Variants in STPG2 observed in about 807,000 individuals in gnomAD.
The protein encoded by STPG2 is sperm tail PG-rich repeat containing 2.
STPG2 carries 56 observed loss-of-function variants against 54.2 expected under a neutral mutation model. That is an observed-to-expected ratio of 1.03 (90% CI 0.83 to 1.29). STPG2 has a LOEUF of 1.29. STPG2 is among the 50% of genes most tolerant of loss of function. STPG2 has a pLI of 0.00. For missense variants in STPG2, 596 were observed against 544.9 expected (o/e 1.09, Z -0.93); for synonymous variants, 200 against 181.8 (o/e 1.10, Z -0.81).
At chr4:97,861,433 G>A (rs566659471) in intron 8 of STPG2, among the ~76,000 whole-genome samples, 3 of 152,234 alleles carry the variant, frequency 2.0e-5, no homozygotes, top group African/African-American at 7.2e-5. Context: ...GAACAGCTTG[G>A]AGGTTCCTAA....
intron 4 of STPG2, among the ~76,000 whole-genome samples, chr4:97,468,186 T>A (rs149742157): frequency 1.3e-5 from 2 of 152,004 alleles, no homozygotes; most frequent in South Asian, 2.1e-4. Context: ...TTGTCAAACT[T>A]TTTTTCCAAT....
intron 5 of STPG2, among the ~76,000 whole-genome samples, chr4:98,088,899 T>C (rs1738604356): frequency 6.6e-6 from 1 of 152,132 alleles, no homozygotes; most frequent in Non-Finnish European, 1.5e-5. Context: ...TAACCAATAA[T>C]ATCGAACTTC....
chr4:97,562,886 T>G (rs928427019), intron 10 of STPG2, among the ~76,000 whole-genome samples: 2 of 152,176 alleles, frequency 1.3e-5, no homozygotes, highest in Non-Finnish European at 2.9e-5. Flanking sequence ...TCATCAAGGA[T>G]ATTGGTCTAA....
intron 9 of STPG2, among the ~76,000 whole-genome samples, chr4:97,753,103 C>A (rs745984510): frequency 3.3e-5 from 5 of 151,862 alleles, no homozygotes; most frequent in Non-Finnish European, 7.4e-5. Context: ...ATAATTTTAA[C>A]CATTTGTAAA....
chr4:97,454,817 C>T (rs1458143948), intron 4 of STPG2, among the ~76,000 whole-genome samples: 1 of 151,932 alleles, frequency 6.6e-6, no homozygotes, highest in East Asian at 1.9e-4. Context: ...AATAAGAAAG[C>T]CAGTAAAGTC....
intron 10 of STPG2, among the ~76,000 whole-genome samples, chr4:97,564,905 A>T (rs935844672): frequency 6.6e-6 from 1 of 152,094 alleles, no homozygotes; most frequent in South Asian, 2.1e-4. Flanking sequence ...TCTGATAATT[A>T]TGTGTCTTGG....
rs1727015491 is a variant in STPG2 at position 97,792,213 on chromosome 4, AC to A, written c.1204+48559del. On this transcript the variant is annotated intron_variant, in intron 9 of 10. Transcript: ENST00000295268. ...TTATGTTTAAAAAGCTATAGTATAT[AC>A]TATATAGTTCTAGCTATCTCAAATT... Among the ~76,000 whole-genome samples the A allele has an allele frequency of 2.0e-5, 3 of 152,308 alleles. No individual in the cohort carries two copies. In the South Asian group the frequency reaches 6.2e-4, roughly 32 times the overall value.
intron 4 of STPG2, among the ~76,000 whole-genome samples, chr4:97,548,215 G>T (rs966355895): frequency 6.6e-6 from 1 of 152,262 alleles, no homozygotes; most frequent in East Asian, 1.9e-4. Context: ...AAAATGAAAA[G>T]AGTAGGGAGC....
intron 10 of STPG2, among the ~76,000 whole-genome samples, chr4:97,691,372 C>A (rs867590159): frequency 2.0e-5 from 3 of 152,066 alleles, no homozygotes; most frequent in Admixed American, 2.0e-4. Flanking sequence ...GTACAGGCTG[C>A]GTGGGAGCTG....
At chr4:97,919,212 C>A (rs150125682) in intron 8 of STPG2, among the ~76,000 whole-genome samples, 1 of 151,406 alleles carries the variant, frequency 6.6e-6, no homozygotes, top group Non-Finnish European at 1.5e-5. Flanking sequence ...TTAAGGAAAG[C>A]GATTTCTGCT....
chr4:97,985,626 T>C (rs926895220), intron 5 of STPG2, among the ~76,000 whole-genome samples: 9 of 152,190 alleles, frequency 5.9e-5, no homozygotes, highest in African/African-American at 1.9e-4. Context: ...TATGTATCTA[T>C]TCATATTCAA....
intron 4 of STPG2, among the ~76,000 whole-genome samples, chr4:97,466,009 A>C (rs1185218683): frequency 6.6e-6 from 1 of 152,020 alleles, no homozygotes; most frequent in Non-Finnish European, 1.5e-5. Flanking sequence ...GGAAAGAAAA[A>C]TTTGTTCAAA....
chr4:98,000,694 T>G (rs1008852538), intron 5 of STPG2, among the ~76,000 whole-genome samples: 1 of 152,166 alleles, frequency 6.6e-6, no homozygotes, highest in Admixed American at 6.5e-5. Flanking sequence ...TAAGGAAAAC[T>G]CTAAGTAAAA....
chr4:97,550,994 A>T (rs1248918926), intron 4 of STPG2, among the ~76,000 whole-genome samples: 1 of 150,792 alleles, frequency 6.6e-6, no homozygotes, highest in Non-Finnish European at 1.5e-5. Flanking sequence ...GAAAGAACAA[A>T]CCTTCCACAC....
intron 4 of STPG2, among the ~76,000 whole-genome samples, chr4:97,524,312 A>C (rs1445211541): frequency 6.6e-6 from 1 of 152,030 alleles, no homozygotes; most frequent in Non-Finnish European, 1.5e-5. Context: ...CAGTTATGCC[A>C]GACTTGTTTC....
chr4:98,033,400 C>T (rs759510852), intron 5 of STPG2, among the ~76,000 whole-genome samples: 3 of 151,842 alleles, frequency 2.0e-5, no homozygotes. Flanking sequence ...AAGACCAAAC[C>T]AGGAAGAAGT....
At chr4:97,938,785 C>A (rs1732859930) in intron 8 of STPG2, among the ~76,000 whole-genome samples, 1 of 152,042 alleles carries the variant, frequency 6.6e-6, no homozygotes, top group Non-Finnish European at 1.5e-5. Context: ...GTCATGCGAA[C>A]CACCTGGTCA....
chr4:97,862,095 G>A (rs940236973), intron 8 of STPG2, among the ~76,000 whole-genome samples: 5 of 151,814 alleles, frequency 3.3e-5, no homozygotes, highest in African/African-American at 1.2e-4. Context: ...ATGTAAATGG[G>A]CTAAATTACC....
intron 4 of STPG2, among the ~76,000 whole-genome samples, chr4:97,497,331 G>C (rs1422681499): frequency 6.6e-6 from 1 of 151,666 alleles, no homozygotes; most frequent in Admixed American, 6.6e-5. Flanking sequence ...ACTTAAAAAT[G>C]TCAATTATTT....
Sources: gnomAD v4.1 joint callset for allele counts (sites outside exome capture counted in the v4.1 genomes callset) on GRCh38, gnomAD v4.1.1 for gene constraint, MANE v1.5 for transcripts, NCBI Gene and HGNC (gene_info 2026-07-23, HGNC 2026-07-21) for gene names.